GRXCR2: variants seen among roughly 807,000 people sequenced by gnomAD.
GRXCR2 encodes glutaredoxin domain-containing cysteine-rich protein 2.
GRXCR2 carries 23 observed loss-of-function variants against 24.8 expected under a neutral mutation model. The ratio of observed to expected loss-of-function variants is 0.93; its 90% CI spans 0.67 to 1.32. GRXCR2 has a LOEUF of 1.32. Among genes scored for constraint, GRXCR2 ranks in the 40% most tolerant of loss-of-function variants. The probability of loss-of-function intolerance (pLI) is 0.00; values close to 1 mark genes in which losing one functional copy is unlikely to be tolerated. For synonymous variants in GRXCR2, 130 were observed against 116.1 expected, an observed-to-expected ratio of 1.12 and a Z score of -0.77; for missense variants, 315 against 303.4, an observed-to-expected ratio of 1.04 and a Z score of -0.28.
chr5:145,889,172 AAAAGAAAGAAAGAAAGAAAGAAAGAAAG>A lies in GRXCR2; in HGVS notation c.-69-22472_-69-22445del, dbSNP rs557521873. Among the ~76,000 whole-genome samples, 569 of 84,042 alleles carry A rather than the reference AAAAGAAAGAAAGAAAGAAAGAAAGAAAG, an allele frequency of 6.8e-3. 7 individuals are homozygous for A. The highest frequency in any genetic ancestry group is 5.2e-3 in the Non-Finnish European group (221 of 42,834). The allele number at this position is 84,042 out of a possible 152,430, so 55.1% of individuals were successfully genotyped here. A position where few individuals can be genotyped will look rare whatever the true frequency, so the allele number is the denominator to read the frequency against. On this transcript the variant is annotated intron_variant, in intron 2 of 3. Coordinates refer to the GRXCR2 transcript ENST00000639411. ...TGACAGACCGAGACTCTGTCTCAAA[AAAAGAAAGAAAGAAAGAAAGAAAGAAAG>A]AAAGAAAGAAAGAAAGAAAGAAAGA...
intron 2 of GRXCR2, among the ~76,000 whole-genome samples, chr5:145,902,504 T>A (rs73308185): frequency 0.019 from 2,969 of 152,262 alleles, 71 homozygotes; most frequent in African/African-American, 0.058. Context: ...TTTGTGCACA[T>A]CTGATTGGGT....
intron 2 of GRXCR2, among the ~76,000 whole-genome samples, chr5:145,894,152 A>T (rs867516649): frequency 6.6e-6 from 1 of 152,210 alleles, no homozygotes; most frequent in Non-Finnish European, 1.5e-5. Context: ...AGGGAAATTT[A>T]TAGCACTCAA....
chr5:145,879,860 A>AAATTTG (rs1756673797), intron 2 of GRXCR2, among the ~76,000 whole-genome samples: 1 of 152,216 alleles, frequency 6.6e-6, no homozygotes, highest in African/African-American at 2.4e-5. Flanking sequence ...ATCACAGTGC[A>AAATTTG]ATCAAATTTG....
rs564645481 is a variant in GRXCR2, at chr5:145,904,908, C to T, written c.-70+30793G>A. Reference sequence around the variant, plus strand: ...AAGGGCGCATGGTTCTTCTCCCCTCCGTGGCTTGGGCTTTTTAGGGTGTAA... The same window carrying T: ...AAGGGCGCATGGTTCTTCTCCCCTCTGTGGCTTGGGCTTTTTAGGGTGTAA... On this transcript the variant is annotated intron_variant, in intron 2 of 3. Transcript: ENST00000639411. 4.1e-4 allele frequency among the ~76,000 whole-genome samples: 63 copies of T among 152,256 alleles called. 1 individual carries two copies. The highest frequency in any genetic ancestry group is 1.5e-3 in the African/African-American group (61 of 41,546).
At chr5:145,925,510 T>C (rs10223150) in intron 2 of GRXCR2, among the ~76,000 whole-genome samples, 40,275 of 151,942 alleles carry the variant, frequency 0.27, 5,744 homozygotes, top group East Asian at 0.56. Context: ...CTAAAGCATG[T>C]CTCCAGATTC....
intron 2 of GRXCR2, among the ~76,000 whole-genome samples, chr5:145,927,129 C>A (rs1441306506): frequency 2.6e-5 from 4 of 152,164 alleles, no homozygotes; most frequent in Admixed American, 2.6e-4. Flanking sequence ...AGATTTTGAG[C>A]TGAGACGATG....
At chr5:145,902,206 A>G (rs536963056) in intron 2 of GRXCR2, among the ~76,000 whole-genome samples, 2 of 152,134 alleles carry the variant, frequency 1.3e-5, no homozygotes, top group Admixed American at 6.6e-5. Context: ...CAATCCTCCC[A>G]CCTCAGCCTC....
In GRXCR2 at chr5:145,929,684, C is replaced by T. The variant is rs187503610; in HGVS notation, c.-70+6017G>A. Among the ~76,000 whole-genome samples, 8 of 152,308 alleles carry T rather than the reference C, an allele frequency of 5.3e-5. No homozygotes were observed. The East Asian group carries it at 1.5e-3, about 29-fold the overall frequency. On this transcript the variant is annotated intron_variant, in intron 2 of 3. Transcript: ENST00000639411. ...AATAGAATGGAAAGATGCATTCTTA[C>T]TTTCCTACTTTCTCCTCTCACAAAT...
intron 2 of GRXCR2, among the ~76,000 whole-genome samples, chr5:145,889,139 G>C (rs1756819878): frequency 6.8e-6 from 1 of 147,706 alleles, no homozygotes; most frequent in African/African-American, 2.5e-5. Context: ...ACTCCAGCTT[G>C]AGCTGGGTGA....
At chr5:145,884,396 A>G (rs1438810970) in intron 2 of GRXCR2, among the ~76,000 whole-genome samples, 1 of 152,128 alleles carries the variant, frequency 6.6e-6, no homozygotes. Flanking sequence ...TCCTGGGGAA[A>G]TTTTACTCTA....
chr5:145,883,008 A>T (rs1401379012), intron 2 of GRXCR2, among the ~76,000 whole-genome samples: 1 of 116,464 alleles, frequency 8.6e-6, no homozygotes, highest in Non-Finnish European at 1.7e-5. Flanking sequence ...AACATCACAC[A>T]CCAGGGCCTG....
intron 2 of GRXCR2, among the ~76,000 whole-genome samples, chr5:145,898,134 A>G (rs1005757518): frequency 2.0e-5 from 3 of 152,086 alleles, no homozygotes; most frequent in African/African-American, 7.2e-5. Flanking sequence ...CAAAGGTGAC[A>G]TTACAACTGA....
chr5:145,905,571 T>C (rs13169102), intron 2 of GRXCR2, among the ~76,000 whole-genome samples: 3 of 152,118 alleles, frequency 2.0e-5, no homozygotes, highest in Admixed American at 2.0e-4. Context: ...ATATATAACA[T>C]TAAACCAAGG....
At chr5:145,929,198 C>CATATATA (rs1554107328) in intron 2 of GRXCR2, among the ~76,000 whole-genome samples, 1 of 88,422 alleles carries the variant, frequency 1.1e-5, no homozygotes, top group Admixed American at 1.2e-4. Context: ...AATATTCCCC[C>CATATATA]CTATATATAT....
At chr5:145,883,946 T>C (rs557969217) in intron 2 of GRXCR2, among the ~76,000 whole-genome samples, 18 of 152,300 alleles carry the variant, frequency 1.2e-4, no homozygotes, top group African/African-American at 4.3e-4. Context: ...ACAATACTTT[T>C]GTAAAACTCT....
chr5:145,919,236 A>G (rs564999826), intron 2 of GRXCR2, among the ~76,000 whole-genome samples: 118 of 152,258 alleles, frequency 7.7e-4, no homozygotes, highest in Non-Finnish European at 1.2e-3. Flanking sequence ...CCAACCGAAC[A>G]TTGCTGGATA....
intron 2 of GRXCR2, among the ~76,000 whole-genome samples, chr5:145,893,187 T>C (rs1756896377): frequency 6.6e-6 from 1 of 152,126 alleles, no homozygotes; most frequent in South Asian, 2.1e-4. Context: ...CATGCCAAAT[T>C]GTAAAGACCA....
intron 2 of GRXCR2, among the ~76,000 whole-genome samples, chr5:145,921,254 C>T (rs1043829707): frequency 1.3e-5 from 2 of 152,188 alleles, no homozygotes; most frequent in East Asian, 3.8e-4. Context: ...CACAGCCTCT[C>T]TGGGGCACAC....
chr5:145,869,714 C>T (rs1328720933), intron 1 of GRXCR2, among the ~76,000 whole-genome samples: 1 of 152,102 alleles, frequency 6.6e-6, no homozygotes, highest in African/African-American at 2.4e-5. Flanking sequence ...CCCGCCACCA[C>T]ACCTGGCTAA....
Sources: gnomAD v4.1 joint callset for allele counts (sites outside exome capture counted in the v4.1 genomes callset) on GRCh38, gnomAD v4.1.1 for gene constraint, MANE v1.5 for transcripts, NCBI Gene and HGNC (gene_info 2026-07-23, HGNC 2026-07-21) for gene names.